Variants in TTC3 observed in about 807,000 individuals in gnomAD.
TTC3 encodes E3 ubiquitin-protein ligase TTC3.
Under a neutral mutation model 249.6 loss-of-function variants are expected in TTC3, and 180 were observed. The ratio of observed to expected loss-of-function variants is 0.72; its 90% CI spans 0.64 to 0.82. The LOEUF (loss-of-function observed/expected upper bound fraction) is 0.82, where lower values mean the gene tolerates loss of function less well. Ranked by LOEUF, TTC3 falls within the 40% of genes least tolerant of loss-of-function variation. The pLI is 0.00. For missense variants in TTC3, 2,061 were observed against 2,398.4 expected, an observed-to-expected ratio of 0.86 and a Z score of 2.94; for synonymous variants, 717 against 805.0, an observed-to-expected ratio of 0.89 and a Z score of 1.85.
intron 11 of TTC3, among the ~76,000 whole-genome samples, chr21:37,114,281 C>T (rs1329726568): frequency 6.6e-6 from 1 of 151,716 alleles, no homozygotes; most frequent in African/African-American, 2.4e-5. Flanking sequence ...ATTTTTGCAA[C>T]CTACTCATCT....
chr21:37,120,630 G>T (rs1166066062), intron 11 of TTC3, among the ~76,000 whole-genome samples: 6 of 152,170 alleles, frequency 3.9e-5, no homozygotes, highest in Admixed American at 3.9e-4. Context: ...CAGCAAAACA[G>T]AGTTTAATGA....
chr21:37,155,405 C>T (rs993944657), intron 27 of TTC3, among the ~76,000 whole-genome samples: 5 of 152,288 alleles, frequency 3.3e-5, no homozygotes, highest in South Asian at 2.1e-4. Flanking sequence ...CAAGCTCTGA[C>T]GTGGATAGGG....
At chr21:37,075,166 CTTT>C (rs11418024) in intron 1 of TTC3, among the ~76,000 whole-genome samples, 2 of 138,280 alleles carry the variant, frequency 1.4e-5, no homozygotes, top group African/African-American at 2.7e-5. Context: ...TTGCAACTTG[CTTT>C]TTTTTTTTTT....
At chr21:37,145,017 T>C (rs1300972576) in intron 21 of TTC3, among the ~76,000 whole-genome samples, 4 of 152,240 alleles carry the variant, frequency 2.6e-5, no homozygotes, top group Admixed American at 2.6e-4. Context: ...TGCATGATCA[T>C]GCACTCTGCT....
chr21:37,073,306 G>T (rs1445281943), exon 1 of TTC3: 1 of 425,768 alleles, frequency 2.3e-6, no homozygotes, highest in African/African-American at 2.3e-5. Flanking sequence ...TGGCGGCGGC[G>T]GCGGCGGCGG....
chr21:37,121,824 A>G (rs1256341353), exon 12 of TTC3: 4 of 1,587,776 alleles, frequency 2.5e-6, no homozygotes, highest in African/African-American at 1.4e-5. Flanking sequence ...CAGGGTCATT[A>G]TCGTTATTGT....
At chr21:37,159,888 T>C (rs112327665) in intron 29 of TTC3, 143 bp downstream of exon 29, 1 of 585,540 alleles carries the variant, frequency 1.7e-6, no homozygotes, top group Non-Finnish European at 2.6e-6. Flanking sequence ...GTACGTACTA[T>C]TATTCATTAG....
intron 5 of TTC3, 83 bp from the exon 6 acceptor site, chr21:37,090,149 TA>T: frequency 9.6e-7 from 1 of 1,038,396 alleles, no homozygotes. Flanking sequence ...GTAGTGTTCC[TA>T]AAATGTAGGC....
chr21:37,161,161 A>G (rs2080707638), intron 30 of TTC3, among the ~76,000 whole-genome samples: 1 of 152,204 alleles, frequency 6.6e-6, no homozygotes, highest in Admixed American at 6.5e-5. Flanking sequence ...AAAATAGATA[A>G]CATATTTAAA....
At chr21:37,155,076 A>G (rs188405702) in intron 27 of TTC3, among the ~76,000 whole-genome samples, 1 of 152,194 alleles carries the variant, frequency 6.6e-6, no homozygotes, top group South Asian at 2.1e-4. Flanking sequence ...AGCAATTTTT[A>G]TTTAAAGTTG....
intron 34 of TTC3, among the ~76,000 whole-genome samples, chr21:37,169,580 G>A (rs1375878882): frequency 6.6e-6 from 1 of 151,606 alleles, no homozygotes; most frequent in African/African-American, 2.4e-5. Context: ...GCTGGGTGTG[G>A]TGGCTCATGC....
At chr21:37,191,284 G>A (rs183854029) in intron 39 of TTC3, 50 bp from the exon 40 acceptor site, 67 of 1,298,750 alleles carry the variant, frequency 5.2e-5, no homozygotes, top group Middle Eastern at 1.9e-4. Context: ...GACCGTAAGT[G>A]CTTTTAATTT....
At chr21:37,116,619 G>A (rs2076160964) in intron 11 of TTC3, among the ~76,000 whole-genome samples, 1 of 116,742 alleles carries the variant, frequency 8.6e-6, no homozygotes, top group South Asian at 2.7e-4. Flanking sequence ...AGACCAGCCT[G>A]GCCAACATGT....
intron 24 of TTC3, 57 bp from the exon 25 acceptor site, chr21:37,150,763 G>A (rs1376336489): frequency 1.8e-6 from 2 of 1,120,138 alleles, no homozygotes; most frequent in Non-Finnish European, 2.7e-6. Context: ...TTGTGGTTTT[G>A]TGTTTTATGT....
At chr21:37,198,796 C>T (rs191100388) in intron 44 of TTC3, among the ~76,000 whole-genome samples, 9 of 152,146 alleles carry the variant, frequency 5.9e-5, no homozygotes, top group African/African-American at 2.2e-4. Flanking sequence ...AAACTGAATA[C>T]GCTAGTCACA....
rs1299296902 is a variant in TTC3, at chr21:37,160,989, G to T, written c.3096+131G>T. The T allele has an allele frequency of 5.6e-6, 5 of 886,156 alleles. No homozygotes were observed. In the African/African-American group the frequency reaches 7.0e-5, roughly 12 times the overall value. 54.9% of individuals were successfully genotyped at this position (886,156 alleles called of 1,614,324 possible). A position where few individuals can be genotyped will look rare whatever the true frequency, so the allele number is the denominator to read the frequency against. On this transcript the variant is annotated intron_variant, in intron 30 of 45. Coordinates refer to ENST00000355666, the Ensembl canonical transcript of TTC3. ...AGAGAAAGACTTTCTAGGACTTAAAGATGTTTTGGCAGTCTTCTACATTTT... is the reference window on the plus strand; with the variant it reads ...AGAGAAAGACTTTCTAGGACTTAAATATGTTTTGGCAGTCTTCTACATTTT...
At position 37,137,882 on chromosome 21, in the gene TTC3, A is replaced by C. The variant is rs576920674; in HGVS notation, c.1579-752A>C. On this transcript the variant is annotated intron_variant, in intron 18 of 45. Coordinates refer to ENST00000355666, the Ensembl canonical transcript of TTC3. ...AGTTAGCAGTCATCAATATCAAGGC[A>C]AGACCATCCACCAACAAAAAGATTA... 9.0e-4 allele frequency among the ~76,000 whole-genome samples: 137 copies of C among 152,318 alleles called. 1 individual carries two copies. The highest frequency in any genetic ancestry group is 3.1e-3 in the African/African-American group (130 of 41,584).
chr21:37,075,562 A>G (rs1425475909), intron 1 of TTC3, among the ~76,000 whole-genome samples: 1 of 152,250 alleles, frequency 6.6e-6, no homozygotes, highest in African/African-American at 2.4e-5. Flanking sequence ...CAACCCTGCT[A>G]ACACTTTATG....
chr21:37,200,518 C>A (rs2275967), intron 45 of TTC3, among the ~76,000 whole-genome samples, 194 bp downstream of exon 45: 21 of 152,266 alleles, frequency 1.4e-4, no homozygotes, highest in African/African-American at 4.8e-4. Flanking sequence ...CTCTGGAGAC[C>A]GTCCTTTCCA....
Sources: allele counts gnomAD v4.1 joint callset (sites outside exome capture counted in the v4.1 genomes callset), GRCh38; gene constraint gnomAD v4.1.1; transcripts MANE v1.5; gene names NCBI Gene and HGNC (gene_info 2026-07-23, HGNC 2026-07-21).